The following OR5A2 variants were observed in gnomAD, a reference collection of about 807,000 sequenced individuals.
The protein encoded by OR5A2 is olfactory receptor 5A2.
For missense variants in OR5A2, 406 were observed against 398.9 expected (o/e 1.02, Z -0.15); for synonymous variants, 155 against 151.1 (o/e 1.03, Z -0.19).
At position 59,419,527 on chromosome 11, in the gene OR5A2, T is replaced by G. The variant is rs1858197944; in HGVS notation, c.*2452A>C. On this transcript the variant is annotated 3_prime_UTR_variant, in exon 2 of 2. Transcript: ENST00000302040. ...CCGCAACACAGCCGTCAGAAGGTCC[T>G]GAGAATATTCGCCCAAGGTGGTCGG... 6.6e-6 allele frequency: 1 copy of G among 152,172 alleles called. No individual in the cohort carries two copies. Among genetic ancestry groups the G allele is most frequent in the East Asian group, 1.9e-4 (1 of 5,182 alleles). 9.4% of individuals were successfully genotyped at this position (152,172 alleles called of 1,614,324 possible).
Position 59,420,777 on chromosome 11 carries a change from C to A in OR5A2, c.*1202G>T, listed in dbSNP as rs1156439514. 6.6e-6 allele frequency: 1 copy of A among 152,196 alleles called. No homozygotes were observed. Among genetic ancestry groups the A allele is most frequent in the African/African-American group, 2.4e-5 (1 of 41,464 alleles). 9.4% of individuals were successfully genotyped at this position (152,196 alleles called of 1,614,324 possible). A position where few individuals can be genotyped will look rare whatever the true frequency, so the allele number is the denominator to read the frequency against. On this transcript the variant is annotated 3_prime_UTR_variant, in exon 2 of 2. Coordinates refer to ENST00000302040, the MANE Select transcript of OR5A2 (RefSeq NM_001001954.2). ...TTTTCTTCAATTCTTTGGCTAAGTT[C>A]TCTTCCAGAATTAATCACAGCCCTG...
In OR5A2 at chr11:59,421,946, C is replaced by A; in HGVS notation, c.*33G>T. 6.5e-7 allele frequency: 1 copy of A among 1,547,810 alleles called. No individual in the cohort carries two copies. The highest frequency in any genetic ancestry group is 1.2e-5 in the South Asian group (1 of 80,360). ...GTTTAAAATTATGTAAATGTCTGCACAATTCACCTAGCTCACAGCTTCATT... is the reference window on the plus strand; with the variant it reads ...GTTTAAAATTATGTAAATGTCTGCAAAATTCACCTAGCTCACAGCTTCATT... On this transcript the variant is annotated 3_prime_UTR_variant, in exon 2 of 2. Transcript: ENST00000302040.
At position 59,422,019 on chromosome 11, in the gene OR5A2, A is replaced by G; in HGVS notation, c.935T>C (p.Ile312Thr). 2.5e-6 allele frequency: 4 copies of G among 1,613,426 alleles called. No homozygotes were observed. The highest frequency in any genetic ancestry group is 3.4e-6 in the Non-Finnish European group (4 of 1,179,554). The change falls in exon 2 of 2, where the codon ATT becomes ACT. Residue 312 changes from isoleucine (I) to threonine (T), a missense_variant. By Grantham distance (89) the Ile-to-Thr change is moderately conservative. Coordinates refer to ENST00000302040, the MANE Select transcript of OR5A2 (RefSeq NM_001001954.2). The part of the protein sequence containing the change: ...MRKAMERDPG[I>T]SHGGPFIFMT... ...AAAAATGAATGGTCCACCGTGAGAA[A>G]TCCCGGGGTCCCTTTCCATGGCTTT...
rs1226794931 is a variant in OR5A2 at position 59,419,797 on chromosome 11, G to A, written c.*2182C>T. The A allele has an allele frequency of 2.0e-5, 3 of 152,096 alleles. No homozygotes were observed. Among genetic ancestry groups the A allele is most frequent in the African/African-American group, 7.2e-5 (3 of 41,410 alleles). The allele number at this position is 152,096 out of a possible 1,614,324, so 9.4% of individuals were successfully genotyped here. On this transcript the variant is annotated 3_prime_UTR_variant, in exon 2 of 2. Transcript: ENST00000302040. Reference sequence around the variant, plus strand: ...GACCAAGTTTTATTGTGCAGAAGAAGCTCTCAGACAGCAGACTTCAGAGAG... The same window carrying A: ...GACCAAGTTTTATTGTGCAGAAGAAACTCTCAGACAGCAGACTTCAGAGAG...
In OR5A2 at chr11:59,422,995, A is replaced by C. The variant is rs200978508; in HGVS notation, c.-42T>G. On this transcript the variant is annotated 5_prime_UTR_variant, in exon 2 of 2. The change creates a new upstream start codon in the 5' untranslated region. Transcript: ENST00000302040. Reference sequence around the variant, plus strand: ...TAAAGTCTTTACTTTCTTCTTTAAGAATCCTGTGGTCAGCTAGATTTTGTT... The same window carrying C: ...TAAAGTCTTTACTTTCTTCTTTAAGCATCCTGTGGTCAGCTAGATTTTGTT... The C allele has an allele frequency of 1.4e-4, 211 of 1,552,498 alleles. 1 individual carries two copies. The African/African-American group carries it at 2.6e-3, about 19-fold the overall frequency.
rs1369088189 is a variant in OR5A2, at chr11:59,422,041, C to A, written c.913G>T (p.Ala305Ser). The A allele has an allele frequency of 6.2e-7, 1 of 1,613,930 alleles. No individual in the cohort carries two copies. Among genetic ancestry groups the A allele is most frequent in the Non-Finnish European group, 8.5e-7 (1 of 1,179,868 alleles). The change falls in exon 2 of 2, where the codon GCC becomes TCC. Residue 305 changes from alanine to serine, a missense_variant. By Grantham distance (99) the Ala-to-Ser change is moderately conservative (BLOSUM62 1). Coordinates refer to ENST00000302040, the MANE Select transcript of OR5A2 (RefSeq NM_001001954.2). The stretch of plus-strand genomic sequence containing the variant: ...GAAATCCCGGGGTCCCTTTCCATGG[C>A]TTTCCTCATGGCATTTTTAATCTCC... ...NKEIKNAMRK[A>S]MERDPGISHG...
In OR5A2 at chr11:59,419,645, A is replaced by C. The variant is rs1858199928; in HGVS notation, c.*2334T>G. On this transcript the variant is annotated 3_prime_UTR_variant, in exon 2 of 2. Coordinates refer to ENST00000302040, the MANE Select transcript of OR5A2 (RefSeq NM_001001954.2). ...TTGGTTTCGTTCAGAAAGGCGGGAC[A>C]ACTCAAATTGGAGACTTCCAGGCTA... is the stretch of plus-strand genomic sequence containing the variant. 1 of 152,188 alleles carries C rather than the reference A, an allele frequency of 6.6e-6. No individual in the cohort carries two copies. Among genetic ancestry groups the C allele is most frequent in the South Asian group, 2.1e-4 (1 of 4,832 alleles). The allele number at this position is 152,188 out of a possible 1,614,324, so 9.4% of individuals were successfully genotyped here.
At chr11:59,425,902 A>G (rs1025626022) in intron 1 of OR5A2, 10 of 152,364 alleles carry the variant, frequency 6.6e-5, no homozygotes, top group Admixed American at 3.9e-4. Context: ...TTATAAGAAC[A>G]AAACACATAA....
chr11:59,419,048 A>T lies in OR5A2; in HGVS notation c.*2931T>A, dbSNP rs1858191093. On this transcript the variant is annotated 3_prime_UTR_variant, in exon 2 of 2. Transcript: ENST00000302040. ...GTACAGGTCAAGAATGGTGGAGGAA[A>T]AAAAATAGCTATAAGGAAAAGGGGG... is the stretch of plus-strand genomic sequence containing the variant. 1 of 152,116 alleles carries T rather than the reference A, an allele frequency of 6.6e-6. No individual in the cohort carries two copies. The highest frequency in any genetic ancestry group is 1.5e-5 in the Non-Finnish European group (1 of 68,028). The allele number at this position is 152,116 out of a possible 1,614,324, so 9.4% of individuals were successfully genotyped here. A position where few individuals can be genotyped will look rare whatever the true frequency, so the allele number is the denominator to read the frequency against.
Position 59,417,037 on chromosome 11 carries a change from T to C in OR5A2, c.*4942A>G, listed in dbSNP as rs1858163859. ...AATATACCATACAATATCAAAGTGA[T>C]ACTTTATGCATGCCAATTTTTCTAT... is the stretch of plus-strand genomic sequence containing the variant. On this transcript the variant is annotated 3_prime_UTR_variant, in exon 2 of 2. Coordinates refer to ENST00000302040, the MANE Select transcript of OR5A2 (RefSeq NM_001001954.2). The C allele has an allele frequency of 6.6e-6, 1 of 152,096 alleles. No homozygotes were observed. The highest frequency in any genetic ancestry group is 1.5e-5 in the Non-Finnish European group (1 of 67,980). The allele number at this position is 152,096 out of a possible 1,614,324, so 9.4% of individuals were successfully genotyped here.
chr11:59,422,909 G>A lies in OR5A2; in HGVS notation c.45C>T (p.Leu15=). The change falls in exon 2 of 2, where the codon CTC becomes CTT. Residue 15 remains leucine, a synonymous_variant. Transcript: ENST00000302040. ...RNNTIVTKFI[L]LGLSDHPQMK... ...TTTGAGGATGGTCTGAAAGTCCCAG[G>A]AGAATGAATTTTGTCACAATTGTGT... 1 of 1,614,082 alleles carries A rather than the reference G, an allele frequency of 6.2e-7. No homozygotes were observed. The highest frequency in any genetic ancestry group is 8.5e-7 in the Non-Finnish European group (1 of 1,179,940).
At position 59,426,406 on chromosome 11, in the gene OR5A2, T is replaced by C. The variant is rs935506639; in HGVS notation, c.-327A>G. 1 of 152,086 alleles carries C rather than the reference T, an allele frequency of 6.6e-6. No homozygotes were observed. The highest frequency in any genetic ancestry group is 1.5e-5 in the Non-Finnish European group (1 of 68,024). 9.4% of individuals were successfully genotyped at this position (152,086 alleles called of 1,614,324 possible). A position where few individuals can be genotyped will look rare whatever the true frequency, so the allele number is the denominator to read the frequency against. On this transcript the variant is annotated 5_prime_UTR_variant, in exon 1 of 2. Transcript: ENST00000302040. ...CTTCCAAATAAATGGGCTGTGGGAG[T>C]TCATTATTTTAATGGGCAGAGGTAG...
rs1446661102 is a variant in OR5A2 at position 59,419,082 on chromosome 11, C to A, written c.*2897G>T. On this transcript the variant is annotated 3_prime_UTR_variant, in exon 2 of 2. Coordinates refer to ENST00000302040, the MANE Select transcript of OR5A2 (RefSeq NM_001001954.2). Reference sequence around the variant, plus strand: ...CTATAAGGAAAAGGGGGAGAGGCATCCAGGTAGCTGATAGAGTTGGCAAAA... The same window carrying A: ...CTATAAGGAAAAGGGGGAGAGGCATACAGGTAGCTGATAGAGTTGGCAAAA... The A allele has an allele frequency of 6.6e-6, 1 of 152,096 alleles. No homozygotes were observed. Among genetic ancestry groups the A allele is most frequent in the Admixed American group, 6.6e-5 (1 of 15,234 alleles). The allele number at this position is 152,096 out of a possible 1,614,324, so 9.4% of individuals were successfully genotyped here. A position where few individuals can be genotyped will look rare whatever the true frequency, so the allele number is the denominator to read the frequency against.
At chr11:59,424,984 G>A (rs573147974) in intron 1 of OR5A2, 2 of 152,292 alleles carry the variant, frequency 1.3e-5, no homozygotes, top group East Asian at 3.9e-4. Flanking sequence ...TCAAAGACAG[G>A]CAGGGAGTTT....
Position 59,422,320 on chromosome 11 carries a change from C to A in OR5A2, c.634G>T (p.Val212Leu), listed in dbSNP as rs772069924. 33 of 1,614,112 alleles carry A rather than the reference C, an allele frequency of 2.0e-5. No homozygotes were observed. In the African/African-American group the frequency reaches 4.4e-4, roughly 22 times the overall value. The stretch of plus-strand genomic sequence containing the variant: ...CCATAAGAGATGAGGACCACTAGCA[C>A]AGACACTATTCCAACGACAACACTG... ...IVSVVVGIVS[V>L]LVVLISYGYI... is the part of the protein sequence containing the mutation. Residue 212 changes from valine to leucine, a missense_variant, in exon 2 of 2, where the codon GTG (valine) becomes TTG (leucine). Physicochemically the swap from Val to Leu is conservative, Grantham distance 32 (BLOSUM62 1). Transcript: ENST00000302040.
chr11:59,418,158 C>T lies in OR5A2; in HGVS notation c.*3821G>A, dbSNP rs533409757. ...AATTGGTAGTGCCCTTGCCCAGGGC[C>T]TCAGCCGATCTGGACCCTCTAGCTG... On this transcript the variant is annotated 3_prime_UTR_variant, in exon 2 of 2. Coordinates refer to ENST00000302040, the MANE Select transcript of OR5A2 (RefSeq NM_001001954.2). The T allele has an allele frequency of 6.6e-6, 1 of 152,222 alleles. No individual in the cohort carries two copies. Among genetic ancestry groups the T allele is most frequent in the South Asian group, 2.1e-4 (1 of 4,828 alleles). 9.4% of individuals were successfully genotyped at this position (152,222 alleles called of 1,614,324 possible). A position where few individuals can be genotyped will look rare whatever the true frequency, so the allele number is the denominator to read the frequency against.
rs142470363 is a variant in OR5A2, at chr11:59,422,170, G to T, written c.784C>A (p.Arg262=). 683 of 1,614,036 alleles carry T rather than the reference G, an allele frequency of 4.2e-4. 1 individual carries two copies. Among genetic ancestry groups the T allele is most frequent in the African/African-American group, 1.9e-3 (144 of 75,034 alleles). ...TTTAGGGAGTAGCTGGAACTGGGTC[G>T]CATGTACATGAAGAATCCAGAACCA... ...FYGSGFFMYM[R]PSSSYSLNRD... is the part of the protein sequence containing the mutation. Residue 262 remains arginine, a synonymous_variant, in exon 2 of 2, where the codon CGA becomes AGA. Coordinates refer to ENST00000302040, the MANE Select transcript of OR5A2 (RefSeq NM_001001954.2).
Position 59,420,954 on chromosome 11 carries a change from T to C in OR5A2, c.*1025A>G, listed in dbSNP as rs1477878640. ...TTGTTTTAGTGGCCTCTTTTTGTAG[T>C]TGATTGAATTGGCCGAGAGGTTTTT... On this transcript the variant is annotated 3_prime_UTR_variant, in exon 2 of 2. Coordinates refer to ENST00000302040, the MANE Select transcript of OR5A2 (RefSeq NM_001001954.2). 3.3e-5 allele frequency: 5 copies of C among 152,234 alleles called. No individual in the cohort carries two copies. The highest frequency in any genetic ancestry group is 7.3e-5 in the Non-Finnish European group (5 of 68,042). The allele number at this position is 152,234 out of a possible 1,614,324, so 9.4% of individuals were successfully genotyped here.
At position 59,422,766 on chromosome 11, in the gene OR5A2, A is replaced by AAG; in HGVS notation, c.186_187dup (p.Phe63SerfsTer49). On this transcript the variant is annotated frameshift_variant, in exon 2 of 2. Transcript: ENST00000302040. LOFTEE classifies it low-confidence loss of function (END_TRUNC). ...GTCCAGGAAGGACAGGTTACTGAGG[A>AAG]AGAAGTACATGGGCATGTGCAGGTG... 3 of 1,614,124 alleles carry AAG rather than the reference A, an allele frequency of 1.9e-6. No homozygotes were observed. The highest frequency in any genetic ancestry group is 2.5e-6 in the Non-Finnish European group (3 of 1,180,002).
Sources: gnomAD v4.1 joint callset for allele counts on GRCh38, gnomAD v4.1.1 for gene constraint, MANE v1.5 for transcripts, NCBI Gene and HGNC (gene_info 2026-07-23, HGNC 2026-07-21) for gene names.